The following LPIN1 variants were observed in gnomAD, a reference collection of about 807,000 sequenced individuals.
LPIN1 encodes the protein phosphatidate phosphatase LPIN1.
In LPIN1, 71 loss-of-function variants were observed where a neutral mutation model predicts 107.5. The ratio of observed to expected loss-of-function variants is 0.66; its 90% CI spans 0.55 to 0.80. LPIN1 has a LOEUF of 0.80. Among genes scored for constraint, LPIN1 ranks in the 30% least tolerant of loss-of-function variants. The probability of loss-of-function intolerance (pLI) is 0.00; values close to 1 mark genes in which losing one functional copy is unlikely to be tolerated. For synonymous variants in LPIN1, 445 were observed against 452.6 expected (o/e 0.98, Z 0.21); for missense variants, 1,043 against 1,160.6 (o/e 0.90, Z 1.47).
intron 1 of LPIN1, among the ~76,000 whole-genome samples, chr2:11,709,770 G>C (rs1253081748): frequency 6.6e-6 from 1 of 152,192 alleles, no homozygotes; most frequent in East Asian, 1.9e-4. Flanking sequence ...TGATAATCTG[G>C]AAACATTACT....
intron 13 of LPIN1, 140 bp downstream of exon 13, chr2:11,792,146 T>A: frequency 1.3e-6 from 1 of 747,924 alleles, no homozygotes. Context: ...TGCCATGAAG[T>A]AGGGCGAGTG....
intron 6 of LPIN1, 62 bp from the exon 7 acceptor site, chr2:11,779,457 G>T: frequency 1.9e-6 from 3 of 1,581,248 alleles, no homozygotes; most frequent in Non-Finnish European, 1.7e-6. Flanking sequence ...ATGGAGCTGG[G>T]CCCAAAACAT....
At chr2:11,789,201 C>G (rs1429372023) in intron 12 of LPIN1, among the ~76,000 whole-genome samples, 2 of 152,240 alleles carry the variant, frequency 1.3e-5, no homozygotes, top group Non-Finnish European at 2.9e-5. Context: ...TCAGCCAGTT[C>G]AAACACTTGA....
chr2:11,779,422 G>A (rs916756184), intron 6 of LPIN1, 97 bp from the exon 7 acceptor site: 8 of 1,277,938 alleles, frequency 6.3e-6, no homozygotes, highest in South Asian at 1.2e-5. Flanking sequence ...ACAGCTGGGG[G>A]TGCATTTTCT....
intron 6 of LPIN1, 98 bp downstream of exon 6, chr2:11,776,291 T>C: frequency 4.4e-6 from 3 of 684,692 alleles, no homozygotes; most frequent in East Asian, 2.9e-5. Context: ...AAATTACTTA[T>C]GAAGAAAATA....
At chr2:11,720,950 C>T (rs1664087619), upstream of LPIN1, among the ~76,000 whole-genome samples, 1 of 151,920 alleles carries the variant, frequency 6.6e-6, no homozygotes, top group Admixed American at 6.6e-5. Flanking sequence ...GAGTCCTTGT[C>T]TGCCCACGCC....
At chr2:11,789,080 A>G (rs1172565208) in intron 12 of LPIN1, among the ~76,000 whole-genome samples, 1 of 152,222 alleles carries the variant, frequency 6.6e-6, no homozygotes, top group Non-Finnish European at 1.5e-5. Flanking sequence ...TTTTTCAATG[A>G]TAGATCTTCC....
chr2:11,770,595 A>G (rs1289443453), intron 3 of LPIN1, among the ~76,000 whole-genome samples: 1 of 151,962 alleles, frequency 6.6e-6, no homozygotes, highest in East Asian at 1.9e-4. Context: ...TGCTCTCCAA[A>G]CCTATTTGAA....
chr2:11,820,644 A>G (rs1681352883), intron 20 of LPIN1, 130 bp downstream of exon 20: 1 of 673,632 alleles, frequency 1.5e-6, no homozygotes, highest in South Asian at 1.7e-5. Flanking sequence ...ATAATGAAAA[A>G]ATGTATTTTA....
chr2:11,769,950 A>G (rs774171281), intron 3 of LPIN1, among the ~76,000 whole-genome samples: 11 of 152,212 alleles, frequency 7.2e-5, no homozygotes, highest in African/African-American at 1.2e-4. Context: ...CTGCCCGCCC[A>G]GAATGGTGGT....
chr2:11,729,759 C>G (rs1343627059), intron 1 of LPIN1, among the ~76,000 whole-genome samples: 2 of 152,200 alleles, frequency 1.3e-5, no homozygotes, highest in Non-Finnish European at 2.9e-5. Flanking sequence ...TGCCTTTTCT[C>G]TGGCTGCCTT....
Position 11,765,511 on chromosome 2 carries a change from T to G in LPIN1, c.-9-22T>G, listed in dbSNP as rs771589974. ...TGGATTAATTGTGTGTCTGTGTGTG[T>G]TTTTTTTTGTCTGTTTTCCAGGTGC... On this transcript the variant is annotated intron_variant, in intron 1 of 20. Coordinates refer to ENST00000674199, the MANE Select transcript of LPIN1 (RefSeq NM_001349206.2). This position sits in a 1 kb window ranked among gnomAD's most constrained non-coding sequence, Gnocchi z 4.4. The G allele has an allele frequency of 5.4e-5, 18 of 333,868 alleles. No individual in the cohort carries two copies. Among genetic ancestry groups the G allele is most frequent in the Middle Eastern group, 9.2e-4 (1 of 1,092 alleles). The allele number at this position is 333,868 out of a possible 1,614,324, so 20.7% of individuals were successfully genotyped here. A position where few individuals can be genotyped will look rare whatever the true frequency, so the allele number is the denominator to read the frequency against.
At chr2:11,773,860 A>G (rs1672261005) in intron 5 of LPIN1, 115 bp downstream of exon 5, 3 of 1,225,986 alleles carry the variant, frequency 2.4e-6, no homozygotes, top group Non-Finnish European at 3.5e-6. Context: ...TAGGACCAGG[A>G]AAAACACGGT....
chr2:11,812,467 T>C (rs1050968227), intron 17 of LPIN1, among the ~76,000 whole-genome samples: 9 of 151,926 alleles, frequency 5.9e-5, no homozygotes, highest in Non-Finnish European at 8.8e-5. Flanking sequence ...GGAAGGGCCT[T>C]CTGGAGAGGT....
chr2:11,679,218 C>A (rs1254472682), intron 1 of LPIN1, among the ~76,000 whole-genome samples: 1 of 152,264 alleles, frequency 6.6e-6, no homozygotes, highest in East Asian at 1.9e-4. Flanking sequence ...AAAACTGAGG[C>A]TATGAAGTTG....
chr2:11,693,783 A>T (rs142179158), intron 1 of LPIN1, among the ~76,000 whole-genome samples: 8,131 of 71,338 alleles, frequency 0.11, 405 homozygotes, highest in Middle Eastern at 0.3. Context: ...TGTGTGTGTG[A>T]GTGTGTATAT....
upstream of LPIN1, among the ~76,000 whole-genome samples, chr2:11,742,800 A>G (rs1027353807): frequency 6.6e-6 from 1 of 152,214 alleles, no homozygotes; most frequent in African/African-American, 2.4e-5. Flanking sequence ...GGCTTCATCC[A>G]GTGGGAGACA....
chr2:11,783,689 G>A (rs1673957308), intron 8 of LPIN1, 140 bp from the exon 9 acceptor site: 4 of 780,130 alleles, frequency 5.1e-6, no homozygotes, highest in Admixed American at 5.1e-5. Context: ...AACACACTTG[G>A]AACTGTTGTG....
chr2:11,793,324 A>G (rs1676108124), intron 13 of LPIN1, among the ~76,000 whole-genome samples: 1 of 152,084 alleles, frequency 6.6e-6, no homozygotes, highest in African/African-American at 2.4e-5. Flanking sequence ...CTGCATTACC[A>G]TCATCTCTCC....
Sources: allele counts gnomAD v4.1 joint callset (sites outside exome capture counted in the v4.1 genomes callset), GRCh38; gene constraint gnomAD v4.1.1; non-coding constraint Gnocchi (gnomAD v3.1); transcripts MANE v1.5; gene names NCBI Gene and HGNC (gene_info 2026-07-23, HGNC 2026-07-21).